The following NXPE2 variants were observed in gnomAD, a reference collection of about 807,000 sequenced individuals.
NXPE2 encodes NXPE family member 2.
Under a neutral mutation model 34.4 loss-of-function variants are expected in NXPE2, and 34 were observed. The ratio of observed to expected loss-of-function variants is 0.99; its 90% CI spans 0.75 to 1.31. The LOEUF (loss-of-function observed/expected upper bound fraction) is 1.31. Among genes scored for constraint, NXPE2 ranks in the 40% most tolerant of loss-of-function variants. The pLI, the probability that NXPE2 is intolerant of heterozygous loss-of-function variation, is 0.00. For synonymous variants in NXPE2, 235 were observed against 231.3 expected, an observed-to-expected ratio of 1.02 and a Z score of -0.15; for missense variants, 649 against 672.5, an observed-to-expected ratio of 0.97 and a Z score of 0.39.
the NXPE2 span, chr11:114,580,318 C>T: frequency 5.0e-6 from 8 of 1,613,938 alleles, no homozygotes; most frequent in Non-Finnish European, 6.8e-6. Flanking sequence ...TTGCATTTCT[C>T]TTTCATTGCA....
chr11:114,729,268 A>G, the NXPE2 span, among the ~76,000 whole-genome samples: 3 of 152,262 alleles, frequency 2.0e-5, no homozygotes, highest in East Asian at 3.9e-4. Flanking sequence ...TTATGGTTGC[A>G]TAGTATTCCA....
the NXPE2 span, chr11:114,513,384 G>T: frequency 5.3e-6 from 2 of 377,440 alleles, no homozygotes; most frequent in South Asian, 5.7e-5. Flanking sequence ...GGACACAGTG[G>T]TGCTTCATGG....
At chr11:114,476,313 A>G in the NXPE2 span, among the ~76,000 whole-genome samples, 2 of 152,214 alleles carry the variant, frequency 1.3e-5, no homozygotes, top group Non-Finnish European at 2.9e-5. Context: ...CAAATTAATT[A>G]TACATAAACA....
the NXPE2 span, among the ~76,000 whole-genome samples, chr11:114,652,811 C>A: frequency 6.6e-6 from 1 of 152,156 alleles, no homozygotes; most frequent in Admixed American, 6.5e-5. Context: ...CACTGGAATG[C>A]CTGTGTCTAG....
chr11:114,770,603 G>A, the NXPE2 span, among the ~76,000 whole-genome samples: 25 of 152,344 alleles, frequency 1.6e-4, no homozygotes, highest in Admixed American at 7.2e-4. Flanking sequence ...CAGGGCTTTG[G>A]ATTTAGGGGA....
At chr11:114,719,523 TG>T in the NXPE2 span, among the ~76,000 whole-genome samples, 3 of 152,210 alleles carry the variant, frequency 2.0e-5, no homozygotes, top group Admixed American at 6.5e-5. Flanking sequence ...CCCGTTCTGT[TG>T]TCATTGTGCA....
chr11:114,743,488 T>G, the NXPE2 span, among the ~76,000 whole-genome samples: 7 of 150,694 alleles, frequency 4.6e-5, no homozygotes, highest in Non-Finnish European at 1.0e-4. Context: ...AGAATAGGTT[T>G]TTAAAATAAA....
chr11:114,574,832 T>G, the NXPE2 span, among the ~76,000 whole-genome samples: 2 of 152,096 alleles, frequency 1.3e-5, no homozygotes, highest in African/African-American at 4.8e-5. Flanking sequence ...CCTCCCTAAA[T>G]AATTCTATAA....
chr11:114,681,584 C>T (rs952275820), intron 2 of NXPE2, among the ~76,000 whole-genome samples: 1 of 152,104 alleles, frequency 6.6e-6, no homozygotes, highest in African/African-American at 2.4e-5. Context: ...AAGTCTTTTT[C>T]ATCTTCTTGA....
chr11:114,718,695 A>G, the NXPE2 span, among the ~76,000 whole-genome samples: 1 of 152,214 alleles, frequency 6.6e-6, no homozygotes, highest in Non-Finnish European at 1.5e-5. Flanking sequence ...GGACAATTTG[A>G]GCACCAAAAA....
chr11:114,482,725 C>A, the NXPE2 span, among the ~76,000 whole-genome samples: 17 of 152,200 alleles, frequency 1.1e-4, no homozygotes, highest in African/African-American at 4.1e-4. Context: ...CTGTCAATCC[C>A]ATGCCTTCCA....
chr11:114,726,181 T>C, the NXPE2 span, among the ~76,000 whole-genome samples: 1 of 151,786 alleles, frequency 6.6e-6, no homozygotes, highest in South Asian at 2.1e-4. Context: ...TTCAAAGATA[T>C]TGTTCTTCTG....
At chr11:114,580,383 A>G in the NXPE2 span, 1 of 1,543,602 alleles carries the variant, frequency 6.5e-7, no homozygotes, top group Non-Finnish European at 8.9e-7. Flanking sequence ...ACATCAAATT[A>G]CCCGTCAGTA....
the NXPE2 span, among the ~76,000 whole-genome samples, chr11:114,720,593 C>T: frequency 6.6e-6 from 1 of 151,180 alleles, no homozygotes; most frequent in South Asian, 2.1e-4. Context: ...TGCAGGTGTG[C>T]TCTAAGTGTA....
At chr11:114,801,841 A>AG in the NXPE2 span, among the ~76,000 whole-genome samples, 7 of 152,150 alleles carry the variant, frequency 4.6e-5, no homozygotes, top group Non-Finnish European at 1.0e-4. Context: ...AGCCCAGGTT[A>AG]GGGGGTAGGG....
chr11:114,583,924 T>C, the NXPE2 span: 1 of 392,632 alleles, frequency 2.5e-6, no homozygotes, highest in South Asian at 2.1e-5. Context: ...ATTATGCTAT[T>C]AACTATCTGC....
At chr11:114,594,909 A>AC in the NXPE2 span, 1 of 558,614 alleles carries the variant, frequency 1.8e-6, no homozygotes, top group Non-Finnish European at 3.2e-6. Flanking sequence ...ATAAACCTTC[A>AC]CCCCCGCAAG....
chr11:114,505,581 T>C, the NXPE2 span, among the ~76,000 whole-genome samples: 7 of 152,108 alleles, frequency 4.6e-5, no homozygotes, highest in Admixed American at 1.3e-4. Flanking sequence ...TCAAAATTTC[T>C]TAAAGAAAAG....
At chr11:114,624,809 A>G in the NXPE2 span, among the ~76,000 whole-genome samples, 1 of 152,146 alleles carries the variant, frequency 6.6e-6, no homozygotes, top group Non-Finnish European at 1.5e-5. Context: ...GGTGGATAGT[A>G]AGTATTGCCT....
Sources: allele counts gnomAD v4.1 joint callset (sites outside exome capture counted in the v4.1 genomes callset), GRCh38; gene constraint gnomAD v4.1.1; transcripts MANE v1.5; gene names NCBI Gene and HGNC (gene_info 2026-07-23, HGNC 2026-07-21).